IPCEF1: variants seen among roughly 807,000 people sequenced by gnomAD.
IPCEF1 encodes the protein interaction protein for cytohesin exchange factors 1, also known as interactor protein for cytohesin exchange factors 1.
In IPCEF1, 31 loss-of-function variants were observed where a neutral mutation model predicts 50.9. That is an observed-to-expected ratio of 0.61 (90% CI 0.46 to 0.82). The LOEUF (loss-of-function observed/expected upper bound fraction) is 0.82. Among genes scored for constraint, IPCEF1 ranks in the 40% least tolerant of loss-of-function variants. The probability of loss-of-function intolerance (pLI) is 0.00; values close to 1 mark genes in which losing one functional copy is unlikely to be tolerated. For missense variants in IPCEF1, 458 were observed against 514.0 expected (o/e 0.89, Z 1.05); for synonymous variants, 181 against 192.0 (o/e 0.94, Z 0.47).
At chr6:154,278,221 T>C (rs927715593) in intron 2 of IPCEF1, among the ~76,000 whole-genome samples, 1 of 152,082 alleles carries the variant, frequency 6.6e-6, no homozygotes, top group Admixed American at 6.5e-5. Context: ...TAATTGCAAT[T>C]TCTATGACCT....
At chr6:154,258,639 ATC>A (rs1781519491) in intron 3 of IPCEF1, among the ~76,000 whole-genome samples, 2 of 152,002 alleles carry the variant, frequency 1.3e-5, no homozygotes, top group Non-Finnish European at 2.9e-5. Context: ...TATTTACCAA[ATC>A]TCTCTTTCCT....
chr6:154,200,487 G>A (rs1216312400), intron 9 of IPCEF1, among the ~76,000 whole-genome samples: 1 of 152,252 alleles, frequency 6.6e-6, no homozygotes, highest in South Asian at 2.1e-4. Context: ...TTGGAAGACC[G>A]AGACAGGCAG....
Position 154,159,197 on chromosome 6 carries a change from C to T in IPCEF1, c.*631G>A, listed in dbSNP as rs1798832462. The T allele has an allele frequency of 6.6e-6, 1 of 152,668 alleles. No homozygotes were observed. The highest frequency in any genetic ancestry group is 2.1e-4 in the South Asian group (1 of 4,836). The allele number at this position is 152,668 out of a possible 1,614,324, so 9.5% of individuals were successfully genotyped here. ...TAACCTGCATAAAGTGTGAAAACAC[C>T]AAGCTGTCCTTTGAATGAGTGGAAT... On this transcript the variant is annotated 3_prime_UTR_variant, in exon 12 of 12. Transcript: ENST00000367220.
chr6:154,280,752 C>G (rs554066562), intron 2 of IPCEF1, among the ~76,000 whole-genome samples: 1 of 152,138 alleles, frequency 6.6e-6, no homozygotes, highest in Non-Finnish European at 1.5e-5. Flanking sequence ...GGAATGGGTA[C>G]AAGAGGGGAT....
At chr6:154,320,715 G>A (rs1783350350) in intron 1 of IPCEF1, among the ~76,000 whole-genome samples, 1 of 152,106 alleles carries the variant, frequency 6.6e-6, no homozygotes, top group South Asian at 2.1e-4. Flanking sequence ...AAACAAAACT[G>A]TATATACATG....
At chr6:154,223,635 A>G (rs568407746) in intron 5 of IPCEF1, among the ~76,000 whole-genome samples, 1 of 152,356 alleles carries the variant, frequency 6.6e-6, no homozygotes, top group East Asian at 1.9e-4. Flanking sequence ...GCACACAGGA[A>G]GAAACCTAAC....
intron 7 of IPCEF1, among the ~76,000 whole-genome samples, chr6:154,215,964 A>T (rs1778361668): frequency 6.6e-6 from 1 of 152,230 alleles, no homozygotes; most frequent in African/African-American, 2.4e-5. Flanking sequence ...TAAAAATATT[A>T]TTGATTTCAA....
chr6:154,209,961 T>C (rs1208653494), intron 9 of IPCEF1, among the ~76,000 whole-genome samples: 5 of 152,238 alleles, frequency 3.3e-5, no homozygotes, highest in Non-Finnish European at 4.4e-5. Context: ...ATTCAAAAAA[T>C]TTAAAGATAC....
intron 2 of IPCEF1, among the ~76,000 whole-genome samples, chr6:154,279,947 A>T (rs1167519820): frequency 6.6e-6 from 1 of 152,194 alleles, no homozygotes; most frequent in African/African-American, 2.4e-5. Flanking sequence ...TGTTAATGTT[A>T]ATGTTAATGT....
At chr6:154,280,770 C>A (rs1382351746) in intron 2 of IPCEF1, among the ~76,000 whole-genome samples, 1 of 152,104 alleles carries the variant, frequency 6.6e-6, no homozygotes, top group East Asian at 1.9e-4. Flanking sequence ...GATTCGGGAT[C>A]CCGATGGTAT....
chr6:154,186,649 C>T (rs552687850), intron 10 of IPCEF1, among the ~76,000 whole-genome samples: 14 of 152,154 alleles, frequency 9.2e-5, no homozygotes, highest in African/African-American at 2.9e-4. Flanking sequence ...CTCCGCCTCC[C>T]GGGTTCGCGC....
At chr6:154,262,925 C>A (rs1327339887) in intron 3 of IPCEF1, among the ~76,000 whole-genome samples, 1 of 151,724 alleles carries the variant, frequency 6.6e-6, no homozygotes, top group Non-Finnish European at 1.5e-5. Flanking sequence ...TACAGGTATG[C>A]GCCACCATGC....
At chr6:154,328,922 T>C (rs1783588944) in intron 1 of IPCEF1, among the ~76,000 whole-genome samples, 1 of 152,230 alleles carries the variant, frequency 6.6e-6, no homozygotes, top group Admixed American at 6.5e-5. Flanking sequence ...GTATTCTGTA[T>C]GATTGATTAA....
chr6:154,199,609 G>A, intron 10 of IPCEF1, 59 bp downstream of exon 10: 1 of 1,456,732 alleles, frequency 6.9e-7, no homozygotes, highest in Non-Finnish European at 9.2e-7. Flanking sequence ...TAATATTACA[G>A]TTCCATATAC....
At chr6:154,177,532 G>T (rs2128563253) in intron 10 of IPCEF1, among the ~76,000 whole-genome samples, 1 of 152,316 alleles carries the variant, frequency 6.6e-6, no homozygotes, top group Middle Eastern at 3.4e-3. Flanking sequence ...ACAGACATAT[G>T]AAAAAATGCT....
chr6:154,235,871 G>T (rs369015269), intron 5 of IPCEF1, among the ~76,000 whole-genome samples: 2 of 152,152 alleles, frequency 1.3e-5, no homozygotes, highest in Non-Finnish European at 2.9e-5. Flanking sequence ...TTAGGATGGC[G>T]ACTGTAAATA....
At chr6:154,221,181 G>T in intron 7 of IPCEF1, 76 bp downstream of exon 7, 3 of 1,029,242 alleles carry the variant, frequency 2.9e-6, no homozygotes, top group Non-Finnish European at 4.5e-6. Context: ...ATGGACATAT[G>T]ATTAGAATTC....
chr6:154,160,046 T>A lies in IPCEF1; in HGVS notation c.1105-6A>T. ...GCCAGATCATGTTCTTTACACTGTGTGAGTAGAAAAAAAGGGGAAGGGGGT... is the reference window on the plus strand; with the variant it reads ...GCCAGATCATGTTCTTTACACTGTGAGAGTAGAAAAAAAGGGGAAGGGGGT... On this transcript the variant is annotated splice_region_variant and splice_polypyrimidine_tract_variant and intron_variant, in intron 11 of 11. Transcript: ENST00000367220. 2 of 1,601,454 alleles carry A rather than the reference T, an allele frequency of 1.2e-6. No individual in the cohort carries two copies. Among genetic ancestry groups the A allele is most frequent in the South Asian group, 1.1e-5 (1 of 88,980 alleles).
intron 1 of IPCEF1, among the ~76,000 whole-genome samples, chr6:154,338,593 C>G (rs1783838479): frequency 6.6e-6 from 1 of 152,142 alleles, no homozygotes. Flanking sequence ...CTATCTGACC[C>G]ATCTACCTCA....
Sources: allele counts gnomAD v4.1 joint callset (sites outside exome capture counted in the v4.1 genomes callset), GRCh38; gene constraint gnomAD v4.1.1; transcripts MANE v1.5; gene names NCBI Gene and HGNC (gene_info 2026-07-23, HGNC 2026-07-21).